Variants in ITFG1 observed in about 807,000 individuals in gnomAD.
The protein encoded by ITFG1 is integrin alpha FG-GAP repeat containing 1, also known as T-cell immunomodulatory protein.
In ITFG1, 34 loss-of-function variants were observed where a neutral mutation model predicts 81.8. The observed-to-expected ratio is 0.42, with a 90% CI of 0.32 to 0.55. ITFG1 has a LOEUF of 0.55. Ranked by LOEUF, ITFG1 falls within the 20% of genes least tolerant of loss-of-function variation. ITFG1 has a pLI of 0.17. For missense variants in ITFG1, 672 were observed against 755.4 expected, an observed-to-expected ratio of 0.89 and a Z score of 1.29; for synonymous variants, 285 against 270.6, an observed-to-expected ratio of 1.05 and a Z score of -0.52.
chr16:47,162,713 G>C, intron 14 of ITFG1, 49 bp from the exon 15 acceptor site: 1 of 1,479,380 alleles, frequency 6.8e-7, no homozygotes, highest in South Asian at 1.4e-5. Context: ...TGGAAACATT[G>C]CTCCCATCAA....
chr16:47,354,924 C>T (rs943504518), intron 8 of ITFG1, among the ~76,000 whole-genome samples: 1 of 151,990 alleles, frequency 6.6e-6, no homozygotes, highest in Non-Finnish European at 1.5e-5. Context: ...ACAGGGAACC[C>T]TGACATATTG....
At position 47,213,321 on chromosome 16, in the gene ITFG1, AT is replaced by A. The variant is rs556357330; in HGVS notation, c.1453+5546del. Among the ~76,000 whole-genome samples, 388 of 152,248 alleles carry A rather than the reference AT, an allele frequency of 2.5e-3. 2 individuals are homozygous for A. The highest frequency in any genetic ancestry group is 6.8e-3 in the Middle Eastern group (2 of 294). On this transcript the variant is annotated intron_variant, in intron 14 of 17. Coordinates refer to ENST00000320640, the MANE Select transcript of ITFG1 (RefSeq NM_030790.5). ...GAGGTTTTTAAATTAAAATTTTTTA[AT>A]TGCCCAGAACTCAGTCTATTTTAGT...
chr16:47,186,461 C>A (rs965526018), intron 14 of ITFG1, among the ~76,000 whole-genome samples: 6 of 152,094 alleles, frequency 3.9e-5, no homozygotes, highest in South Asian at 2.1e-4. Flanking sequence ...TCAATATACG[C>A]AAATCAATAA....
intron 12 of ITFG1, chr16:47,238,302 A>G (rs1433174226): frequency 1.5e-5 from 3 of 200,100 alleles, no homozygotes; most frequent in Non-Finnish European, 3.0e-5. Flanking sequence ...CTATTTTCCA[A>G]TTAGTTAGCT....
intron 5 of ITFG1, among the ~76,000 whole-genome samples, chr16:47,441,694 C>G (rs1165481578): frequency 6.6e-6 from 1 of 152,072 alleles, no homozygotes; most frequent in Admixed American, 6.5e-5. Context: ...ATAATAAGAG[C>G]TATCTATGAC....
intron 8 of ITFG1, among the ~76,000 whole-genome samples, chr16:47,324,949 C>T (rs913421095): frequency 2.6e-5 from 4 of 152,054 alleles, no homozygotes; most frequent in African/African-American, 7.2e-5. Flanking sequence ...AAAAGGATAC[C>T]CAGGAATTGA....
chr16:47,399,742 T>C (rs1366537483), intron 6 of ITFG1, among the ~76,000 whole-genome samples: 1 of 152,236 alleles, frequency 6.6e-6, no homozygotes, highest in East Asian at 1.9e-4. Context: ...AAGATAATTG[T>C]ATTTTTATCC....
At chr16:47,199,710 G>A (rs1965401840) in intron 14 of ITFG1, among the ~76,000 whole-genome samples, 2 of 152,114 alleles carry the variant, frequency 1.3e-5, no homozygotes, top group African/African-American at 4.8e-5. Context: ...GATGATTCAA[G>A]CACATTATAT....
chr16:47,313,746 T>G lies in ITFG1; in HGVS notation c.880A>C (p.Arg294=). ...NCQKSTIYLV[R]SGMKQWVPVL... ...TGATATACCTGCTTCATCCCAGATC[T>G]CACTAAGTAGATGGTACTCTTTTGG... is the stretch of plus-strand genomic sequence containing the variant. Residue 294 remains arginine (R), a synonymous_variant, in exon 9 of 18, where the codon AGA becomes CGA. Coordinates refer to ENST00000320640, the MANE Select transcript of ITFG1 (RefSeq NM_030790.5). The G allele has an allele frequency of 6.3e-7, 1 of 1,590,602 alleles. No individual in the cohort carries two copies. Among genetic ancestry groups the G allele is most frequent in the Non-Finnish European group, 8.6e-7 (1 of 1,162,524 alleles).
intron 6 of ITFG1, among the ~76,000 whole-genome samples, chr16:47,421,311 T>A (rs1052499173): frequency 3.5e-5 from 5 of 142,374 alleles, no homozygotes; most frequent in African/African-American, 1.4e-4. Flanking sequence ...CACACATACA[T>A]ATTTTTTTTT....
intron 8 of ITFG1, among the ~76,000 whole-genome samples, chr16:47,315,768 C>CATATATATAT (rs546244760): frequency 2.8e-5 from 4 of 144,538 alleles, no homozygotes; most frequent in African/African-American, 1.1e-4. Flanking sequence ...TTCTAAATGC[C>CATATATATAT]ATATATATAT....
intron 14 of ITFG1, among the ~76,000 whole-genome samples, chr16:47,185,785 C>A (rs1161359894): frequency 2.6e-5 from 4 of 152,094 alleles, no homozygotes; most frequent in Non-Finnish European, 5.9e-5. Context: ...GAAATAGGGA[C>A]ACAAAAAACC....
intron 7 of ITFG1, 86 bp downstream of exon 7, chr16:47,375,790 G>T: frequency 1.2e-6 from 1 of 855,168 alleles, no homozygotes; most frequent in Non-Finnish European, 2.0e-6. Flanking sequence ...AATCAACCAA[G>T]TGATTATTTT....
At chr16:47,174,812 G>A (rs1262468646) in intron 14 of ITFG1, among the ~76,000 whole-genome samples, 1 of 152,152 alleles carries the variant, frequency 6.6e-6, no homozygotes, top group African/African-American at 2.4e-5. Context: ...GAGCCACCGC[G>A]CCCGGCCTCT....
chr16:47,220,633 A>G (rs185726451), intron 13 of ITFG1, among the ~76,000 whole-genome samples: 62 of 152,312 alleles, frequency 4.1e-4, no homozygotes, highest in Admixed American at 3.5e-3. Flanking sequence ...ATTTAAAAAT[A>G]TCATACAATA....
At chr16:47,341,256 A>C (rs925299460) in intron 8 of ITFG1, among the ~76,000 whole-genome samples, 1 of 150,712 alleles carries the variant, frequency 6.6e-6, no homozygotes, top group East Asian at 1.9e-4. Flanking sequence ...CCATCTGTAA[A>C]AAATAAATAA....
In ITFG1 at chr16:47,262,891, G is replaced by T. The variant is rs552634880; in HGVS notation, c.1071-2196C>A. ...AATGCTTCCTGGAATCACCACCCTGGTCTTCAAGTTCTGGCATGGAGTCAT... is the reference window on the plus strand; with the variant it reads ...AATGCTTCCTGGAATCACCACCCTGTTCTTCAAGTTCTGGCATGGAGTCAT... On this transcript the variant is annotated intron_variant, in intron 10 of 17. Transcript: ENST00000320640. The T allele has an allele frequency of 2.6e-5, 4 of 154,868 alleles. No homozygotes were observed. In the South Asian group the frequency reaches 7.9e-4, roughly 31 times the overall value. The allele number at this position is 154,868 out of a possible 1,614,324, so 9.6% of individuals were successfully genotyped here. A position where few individuals can be genotyped will look rare whatever the true frequency, so the allele number is the denominator to read the frequency against.
At chr16:47,279,033 C>T (rs1276947640) in intron 10 of ITFG1, among the ~76,000 whole-genome samples, 2 of 151,972 alleles carry the variant, frequency 1.3e-5, no homozygotes, top group African/African-American at 4.8e-5. Flanking sequence ...ATTGTGAATA[C>T]AAATCCTTTG....
At chr16:47,223,205 CA>C (rs1965714830) in intron 13 of ITFG1, among the ~76,000 whole-genome samples, 1 of 151,794 alleles carries the variant, frequency 6.6e-6, no homozygotes, top group African/African-American at 2.4e-5. Context: ...ACACCAAAAG[CA>C]ATGGCAACAA....
Sources: gnomAD v4.1 joint callset for allele counts (sites outside exome capture counted in the v4.1 genomes callset) on GRCh38, gnomAD v4.1.1 for gene constraint, MANE v1.5 for transcripts, NCBI Gene and HGNC (gene_info 2026-07-23, HGNC 2026-07-21) for gene names.